FYN: variants seen among roughly 807,000 people sequenced by gnomAD.
The protein encoded by FYN is tyrosine-protein kinase Fyn.
Under a neutral mutation model 70.2 loss-of-function variants are expected in FYN, and 10 were observed. That is an observed-to-expected ratio of 0.14 (90% confidence interval 0.09 to 0.24). The LOEUF (loss-of-function observed/expected upper bound fraction) is 0.24. Among genes scored for constraint, FYN ranks in the 10% least tolerant of loss-of-function variants. The pLI, the probability that FYN is intolerant of heterozygous loss-of-function variation, is 1.00. For missense variants in FYN, 319 were observed against 673.1 expected, an observed-to-expected ratio of 0.47 and a Z score of 5.82; for synonymous variants, 236 against 248.6, an observed-to-expected ratio of 0.95 and a Z score of 0.48.
At position 111,694,645 on chromosome 6, in the gene FYN, C is replaced by G; in HGVS notation, c.1102G>C (p.Val368Leu). 1 of 1,614,138 alleles carries G rather than the reference C, an allele frequency of 6.2e-7. No individual in the cohort carries two copies. The highest frequency in any genetic ancestry group is 8.5e-7 in the Non-Finnish European group (1 of 1,180,014). Residue 368 changes from valine (V) to leucine (L), a missense_variant, in exon 11 of 14, where the codon GTG becomes CTG. By Grantham distance (32) the Val-to-Leu change is conservative. Around this residue, in one of 4 missense-constraint regions of FYN, gnomAD observed 64 missense variants for 223.0 expected, o/e 0.29. Transcript: ENST00000354650. This position sits in a 1 kb window ranked among gnomAD's most constrained non-coding sequence, Gnocchi z 5.0. ...EGRALKLPNL[V>L]DMAAQVAAGM... ...GGGCCTACCTGTGCTGCCATGTCCA[C>G]AAGATTTGGTAATTTCAGAGCTCTT...
intron 1 of FYN, among the ~76,000 whole-genome samples, chr6:111,868,843 T>C (rs1774188356): frequency 6.6e-6 from 1 of 152,202 alleles, no homozygotes; most frequent in South Asian, 2.1e-4. Flanking sequence ...CTTCATATTA[T>C]TATTGTTAAG....
intron 12 of FYN, among the ~76,000 whole-genome samples, chr6:111,685,537 G>A (rs1272586700): frequency 6.6e-6 from 1 of 152,222 alleles, no homozygotes; most frequent in Admixed American, 6.5e-5. Flanking sequence ...AAGAAATGAG[G>A]CTTCAGAACT....
intron 10 of FYN, among the ~76,000 whole-genome samples, chr6:111,695,041 C>A (rs896783144): frequency 6.6e-6 from 1 of 152,154 alleles, no homozygotes; most frequent in Non-Finnish European, 1.5e-5. Context: ...TCCCCAATCA[C>A]CCCTGCACAA....
At chr6:111,774,547 GACA>G (rs1431297554) in intron 3 of FYN, among the ~76,000 whole-genome samples, 1 of 151,998 alleles carries the variant, frequency 6.6e-6, no homozygotes, top group South Asian at 2.1e-4. Flanking sequence ...TCTTTGTGAG[GACA>G]ACAACAAACC....
At chr6:111,759,628 G>A (rs1174246584) in intron 3 of FYN, among the ~76,000 whole-genome samples, 1 of 152,144 alleles carries the variant, frequency 6.6e-6, no homozygotes, top group Non-Finnish European at 1.5e-5. Context: ...TCAGGACTTT[G>A]GTGGGCTATG....
At chr6:111,789,153 A>G (rs1170650646) in intron 2 of FYN, among the ~76,000 whole-genome samples, 3 of 152,250 alleles carry the variant, frequency 2.0e-5, no homozygotes, top group African/African-American at 7.2e-5. Flanking sequence ...GAAGGTCACA[A>G]GCTGGCTGCT....
At chr6:111,782,954 CAT>C in intron 2 of FYN, among the ~76,000 whole-genome samples, 1 of 152,170 alleles carries the variant, frequency 6.6e-6, no homozygotes, top group Non-Finnish European at 1.5e-5. Context: ...TGTCTTTGCA[CAT>C]GAGGTCCAGG....
At chr6:111,785,514 G>A (rs1159823341) in intron 2 of FYN, among the ~76,000 whole-genome samples, 7 of 152,144 alleles carry the variant, frequency 4.6e-5, no homozygotes, top group Non-Finnish European at 8.8e-5. Context: ...TCTGGTTACA[G>A]CACTTCTCAT....
chr6:111,736,744 G>A (rs754892964), intron 3 of FYN, among the ~76,000 whole-genome samples: 46 of 152,116 alleles, frequency 3.0e-4, no homozygotes, highest in African/African-American at 1.7e-4. Flanking sequence ...AGTATTCACC[G>A]TTCCACCAGG....
At chr6:111,849,328 C>T (rs1052925951) in intron 1 of FYN, among the ~76,000 whole-genome samples, 16 of 152,216 alleles carry the variant, frequency 1.1e-4, no homozygotes, top group Non-Finnish European at 1.5e-5. Flanking sequence ...TGGGTGAACA[C>T]ACAGACAATA....
chr6:111,685,197 G>T (rs371514240), intron 12 of FYN, among the ~76,000 whole-genome samples: 1 of 152,348 alleles, frequency 6.6e-6, no homozygotes, highest in East Asian at 1.9e-4. Context: ...TGTGTGGGAT[G>T]TAGCTCAACA....
intron 3 of FYN, among the ~76,000 whole-genome samples, chr6:111,765,116 T>C (rs1803177684): frequency 6.6e-6 from 1 of 152,034 alleles, no homozygotes; most frequent in Admixed American, 6.6e-5. Context: ...CAGGAACGAA[T>C]GCTTGTAACA....
intron 12 of FYN, among the ~76,000 whole-genome samples, chr6:111,692,269 A>G (rs1304505903): frequency 6.6e-6 from 1 of 152,230 alleles, no homozygotes; most frequent in African/African-American, 2.4e-5. Flanking sequence ...CGCAGTACAA[A>G]GGCTAAAAGA....
intron 4 of FYN, 126 bp from the exon 5 acceptor site, chr6:111,714,569 A>C: frequency 1.4e-6 from 1 of 720,266 alleles, no homozygotes; most frequent in South Asian, 1.7e-5. Context: ...AACATGATGA[A>C]GTGTTGTAAT....
At chr6:111,823,840 A>C (rs533686688) in intron 2 of FYN, among the ~76,000 whole-genome samples, 60 of 152,276 alleles carry the variant, frequency 3.9e-4, no homozygotes, top group Admixed American at 6.5e-4. Context: ...ATATATATAA[A>C]CACTCACATT....
intron 2 of FYN, among the ~76,000 whole-genome samples, chr6:111,809,751 T>C (rs1772264872): frequency 6.6e-6 from 1 of 152,194 alleles, no homozygotes; most frequent in African/African-American, 2.4e-5. Flanking sequence ...ATCATTTCTA[T>C]CAAAGAATAT....
intron 1 of FYN, among the ~76,000 whole-genome samples, chr6:111,861,922 C>T (rs184908070): frequency 6.6e-6 from 1 of 152,340 alleles, no homozygotes; most frequent in Admixed American, 6.5e-5. Context: ...TGGGACAGAA[C>T]CCTCTTCCTA....
intron 3 of FYN, among the ~76,000 whole-genome samples, chr6:111,746,889 G>T (rs1222659509): frequency 6.6e-6 from 1 of 151,990 alleles, no homozygotes; most frequent in Non-Finnish European, 1.5e-5. Flanking sequence ...CAGAGAGAGA[G>T]AGAGAATCCC....
At chr6:111,751,454 T>A (rs78747118) in intron 3 of FYN, among the ~76,000 whole-genome samples, 1 of 147,174 alleles carries the variant, frequency 6.8e-6, no homozygotes, top group Non-Finnish European at 1.5e-5. Flanking sequence ...AACAAACAAT[T>A]AACAACAAAA....
Sources: allele counts gnomAD v4.1 joint callset (sites outside exome capture counted in the v4.1 genomes callset), GRCh38; gene constraint gnomAD v4.1.1; regional missense constraint gnomAD v4.1.1; non-coding constraint Gnocchi (gnomAD v3.1); transcripts MANE v1.5; gene names NCBI Gene and HGNC (gene_info 2026-07-23, HGNC 2026-07-21).